The following INSL6 variants were observed in gnomAD, a reference collection of about 807,000 sequenced individuals.
INSL6 encodes insulin-like peptide INSL6.
INSL6 carries 16 observed loss-of-function variants against 9.4 expected under a neutral mutation model. The ratio of observed to expected loss-of-function variants is 1.70; its 90% CI spans 1.15 to 2.59. INSL6 has a LOEUF of 2.59. Among genes scored for constraint, INSL6 ranks in the 30% most tolerant of loss-of-function variants. The pLI, the probability that INSL6 is intolerant of heterozygous loss-of-function variation, is 0.00. For missense variants in INSL6, 391 were observed against 257.3 expected (o/e 1.52, Z -3.56); for synonymous variants, 154 against 96.9 (o/e 1.59, Z -3.46).
chr9:5,010,252 T>A, the INSL6 span, among the ~76,000 whole-genome samples: 16 of 152,330 alleles, frequency 1.1e-4, no homozygotes, highest in African/African-American at 3.8e-4. Context: ...CTACTGTTGT[T>A]ACCTGTTTTA....
chr9:5,115,153 G>C, the INSL6 span, among the ~76,000 whole-genome samples: 1 of 152,050 alleles, frequency 6.6e-6, no homozygotes, highest in Non-Finnish European at 1.5e-5. Context: ...AAAATTTTTT[G>C]CAATCTAGCC....
At chr9:5,148,351 T>G (rs1342132111) in intron 2 of INSL6, among the ~76,000 whole-genome samples, 1 of 152,166 alleles carries the variant, frequency 6.6e-6, no homozygotes, top group Non-Finnish European at 1.5e-5. Flanking sequence ...TTGAGAGCAG[T>G]AGGTTCTTAG....
the INSL6 span, among the ~76,000 whole-genome samples, chr9:5,021,413 A>T: frequency 1.3e-5 from 2 of 152,076 alleles, no homozygotes; most frequent in East Asian, 1.9e-4. Flanking sequence ...TTAGGATTTT[A>T]TATCATCGTC....
chr9:5,092,237 A>T, the INSL6 span, among the ~76,000 whole-genome samples: 5 of 152,160 alleles, frequency 3.3e-5, no homozygotes, highest in Non-Finnish European at 7.4e-5. Flanking sequence ...TTTAGCAGTA[A>T]ACCAAGAGTA....
chr9:5,064,963 A>T, the INSL6 span: 2 of 1,608,612 alleles, frequency 1.2e-6, no homozygotes, highest in Non-Finnish European at 1.7e-6. Flanking sequence ...CTGCAGATGC[A>T]CATCATTACC....
At chr9:5,093,784 C>T in the INSL6 span, among the ~76,000 whole-genome samples, 43 of 152,200 alleles carry the variant, frequency 2.8e-4, no homozygotes, top group African/African-American at 9.9e-4. Context: ...TTTACGACCT[C>T]GATGTTGGAT....
the INSL6 span, among the ~76,000 whole-genome samples, chr9:5,032,908 C>G: frequency 6.6e-6 from 1 of 152,138 alleles, no homozygotes; most frequent in South Asian, 2.1e-4. Context: ...ATGACTTTGA[C>G]AAGTTGAGAG....
chr9:5,084,944 A>C, the INSL6 span: 1 of 633,154 alleles, frequency 1.6e-6, no homozygotes, highest in Middle Eastern at 3.2e-4. Flanking sequence ...GTATTCCACA[A>C]AATTCTTAGG....
chr9:5,015,602 A>G, the INSL6 span, among the ~76,000 whole-genome samples: 2 of 151,296 alleles, frequency 1.3e-5, no homozygotes, highest in Admixed American at 1.3e-4. Context: ...TGGCATGAGC[A>G]CAATCACTGC....
At chr9:5,029,828 C>G in the INSL6 span, 1 of 1,610,850 alleles carries the variant, frequency 6.2e-7, no homozygotes, top group Non-Finnish European at 8.5e-7. Context: ...ATGAGTGAAA[C>G]AGAAAGGATC....
At chr9:5,089,974 A>G in the INSL6 span, 2 of 591,434 alleles carry the variant, frequency 3.4e-6, no homozygotes, top group Non-Finnish European at 5.2e-6. Flanking sequence ...GCCCAGAGGG[A>G]GAGGCATTCT....
At chr9:5,179,455 G>A (rs1016897052) in intron 1 of INSL6, among the ~76,000 whole-genome samples, 1 of 152,170 alleles carries the variant, frequency 6.6e-6, no homozygotes, top group African/African-American at 2.4e-5. Flanking sequence ...CAAAGACCTA[G>A]AGGCAGAAAT....
At chr9:5,154,113 A>G (rs1247490156) in intron 2 of INSL6, among the ~76,000 whole-genome samples, 1 of 151,840 alleles carries the variant, frequency 6.6e-6, no homozygotes, top group Non-Finnish European at 1.5e-5. Context: ...TGGTAGTGGT[A>G]CCAAAACAGA....
At chr9:5,041,366 A>C in the INSL6 span, 6 of 621,724 alleles carry the variant, frequency 9.7e-6, no homozygotes, top group East Asian at 3.0e-5. Flanking sequence ...GAGCATCAAC[A>C]TGCACCTGGG....
At chr9:5,175,732 C>T (rs1429751295) in intron 1 of INSL6, among the ~76,000 whole-genome samples, 2 of 152,092 alleles carry the variant, frequency 1.3e-5, no homozygotes, top group East Asian at 1.9e-4. Flanking sequence ...TTGTGAACTG[C>T]GCATGCCAGG....
chr9:5,095,269 A>T, the INSL6 span, among the ~76,000 whole-genome samples: 27 of 151,812 alleles, frequency 1.8e-4, no homozygotes, highest in African/African-American at 6.5e-4. Flanking sequence ...TACTATTTTC[A>T]CAGGAACCCT....
the INSL6 span, chr9:5,114,635 C>T: frequency 2.1e-6 from 1 of 476,062 alleles, no homozygotes; most frequent in South Asian, 1.6e-5. Flanking sequence ...ACACTTGGCA[C>T]AGCATGACGC....
intron 1 of INSL6, among the ~76,000 whole-genome samples, chr9:5,171,246 A>G (rs1395022202): frequency 6.6e-6 from 1 of 152,248 alleles, no homozygotes; most frequent in African/African-American, 2.4e-5. Flanking sequence ...CCACAAGATT[A>G]TTTCAATAGA....
At chr9:5,124,934 T>C (rs535182388) in intron 3 of INSL6, among the ~76,000 whole-genome samples, 5 of 151,570 alleles carry the variant, frequency 3.3e-5, no homozygotes, top group Non-Finnish European at 5.9e-5. Context: ...CTAAACTAGC[T>C]TGAATTTTTA....
Sources: gnomAD v4.1 joint callset for allele counts (sites outside exome capture counted in the v4.1 genomes callset) on GRCh38, gnomAD v4.1.1 for gene constraint, MANE v1.5 for transcripts, NCBI Gene and HGNC (gene_info 2026-07-23, HGNC 2026-07-21) for gene names.